The following NLRP5 variants were observed in gnomAD, a reference collection of about 807,000 sequenced individuals.
The protein encoded by NLRP5 is NACHT, LRR and PYD domains-containing protein 5.
A neutral mutation model predicts 113.1 loss-of-function variants in NLRP5; 93 were observed. The ratio of observed to expected loss-of-function variants is 0.82; its 90% CI spans 0.70 to 0.98. The LOEUF is 0.98. Ranked by LOEUF, NLRP5 falls within the 50% of genes least tolerant of loss-of-function variation. The probability of loss-of-function intolerance (pLI) is 0.00; values close to 1 mark genes in which losing one functional copy is unlikely to be tolerated. For synonymous variants in NLRP5, 751 were observed against 600.7 expected (o/e 1.25, Z -3.66); for missense variants, 1,808 against 1,514.3 (o/e 1.19, Z -3.22).
chr19:56,021,552 G>T (rs548771872), intron 6 of NLRP5, among the ~76,000 whole-genome samples: 4 of 152,194 alleles, frequency 2.6e-5, no homozygotes, highest in Admixed American at 2.0e-4. Flanking sequence ...ATTCCAGATC[G>T]GTCATGTAGA....
Position 56,061,727 on chromosome 19 carries a change from G to GA in NLRP5, c.*199_*200insA, listed in dbSNP as rs1984362640. On this transcript the variant is annotated 3_prime_UTR_variant, in exon 15 of 15. Coordinates refer to ENST00000390649, the MANE Select transcript of NLRP5 (RefSeq NM_153447.4). ...GGATTTGAAGGCTAGAGACCTTCAA[G>GA]TCATAGGACTCAGTATCTGTGAAAT... 1 of 588,040 alleles carries GA rather than the reference G, an allele frequency of 1.7e-6. No homozygotes were observed. Among genetic ancestry groups the GA allele is most frequent in the Non-Finnish European group, 3.0e-6 (1 of 333,062 alleles). 36.4% of individuals were successfully genotyped at this position (588,040 alleles called of 1,614,324 possible). A position where few individuals can be genotyped will look rare whatever the true frequency, so the allele number is the denominator to read the frequency against.
chr19:56,054,098 T>C (rs1260011509), intron 13 of NLRP5, among the ~76,000 whole-genome samples: 1 of 152,056 alleles, frequency 6.6e-6, no homozygotes, highest in Non-Finnish European at 1.5e-5. Flanking sequence ...GGCGGAAGTA[T>C]GGAAGTGAAA....
In NLRP5 at chr19:56,030,768, G is replaced by A. The variant is rs548689607; in HGVS notation, c.2277-1843G>A. On this transcript the variant is annotated intron_variant, in intron 7 of 14. Transcript: ENST00000390649. Reference sequence around the variant, plus strand: ...CTTGCTCGGTCACCCAGGCTGGAGTGCAGTGGTGCGATCTCAGCTCACTGC... The same window carrying A: ...CTTGCTCGGTCACCCAGGCTGGAGTACAGTGGTGCGATCTCAGCTCACTGC... 4.2e-5 allele frequency among the ~76,000 whole-genome samples: 5 copies of A among 119,748 alleles called. No individual in the cohort carries two copies. In the East Asian group the frequency reaches 1.4e-3, roughly 33 times the overall value. The allele number at this position is 119,748 out of a possible 152,430, so 78.6% of individuals were successfully genotyped here. A position where few individuals can be genotyped will look rare whatever the true frequency, so the allele number is the denominator to read the frequency against.
At chr19:55,989,409 C>T in the NLRP5 span, among the ~76,000 whole-genome samples, 74 of 152,216 alleles carry the variant, frequency 4.9e-4, no homozygotes, top group African/African-American at 1.0e-3. Context: ...CCCGCCACCA[C>T]GCCCGGCTAA....
intron 11 of NLRP5, among the ~76,000 whole-genome samples, chr19:56,045,557 C>T (rs1260414744): frequency 1.3e-5 from 2 of 152,062 alleles, no homozygotes; most frequent in African/African-American, 2.4e-5. Context: ...GCTATCCCTC[C>T]TCCGACCCCA....
At chr19:56,040,012 A>G (rs1983460926) in intron 10 of NLRP5, among the ~76,000 whole-genome samples, 1 of 152,166 alleles carries the variant, frequency 6.6e-6, no homozygotes, top group Non-Finnish European at 1.5e-5. Context: ...GTACAGTGGC[A>G]CAATCACAGC....
intron 11 of NLRP5, among the ~76,000 whole-genome samples, chr19:56,045,429 T>C (rs892113959): frequency 6.6e-6 from 1 of 152,182 alleles, no homozygotes. Context: ...TTTTTTTTAT[T>C]ATACTTTAAG....
rs1336089954 is a variant in NLRP5, at chr19:56,020,994, CT to C, written c.679+564del. Among the ~76,000 whole-genome samples, 6 of 151,986 alleles carry C rather than the reference CT, an allele frequency of 3.9e-5. No individual in the cohort carries two copies. In the East Asian group the frequency reaches 1.2e-3, roughly 29 times the overall value. On this transcript the variant is annotated intron_variant, in intron 6 of 14. Coordinates refer to ENST00000390649, the MANE Select transcript of NLRP5 (RefSeq NM_153447.4). ...GTTCAAGCGATTCTTCTGTCTCAGCCTCCCGAGTAGCTGGGATTACAGGCCT... is the reference window on the plus strand; with the variant it reads ...GTTCAAGCGATTCTTCTGTCTCAGCCCCCGAGTAGCTGGGATTACAGGCCT...
At chr19:56,009,470 G>A (rs1397856305) in intron 3 of NLRP5, among the ~76,000 whole-genome samples, 7 of 151,882 alleles carry the variant, frequency 4.6e-5, no homozygotes, top group African/African-American at 1.7e-4. Flanking sequence ...CCCAGTAGGA[G>A]GCTTTGGTGG....
Position 56,027,916 on chromosome 19 carries a change from C to G in NLRP5, c.1683C>G (p.Leu561=). The G allele has an allele frequency of 6.2e-7, 1 of 1,613,820 alleles. No homozygotes were observed. Among genetic ancestry groups the G allele is most frequent in the Non-Finnish European group, 8.5e-7 (1 of 1,179,814 alleles). The change falls in exon 7 of 15, where the codon CTC becomes CTG. Residue 561 remains leucine (L), a synonymous_variant. Coordinates refer to ENST00000390649, the MANE Select transcript of NLRP5 (RefSeq NM_153447.4). Reference sequence around the variant, plus strand: ...TTCAAGGACTCGGGGAGTCTGAGCTCCGTGCTCTGTTTCACATGAACATCC... The same window carrying G: ...TTCAAGGACTCGGGGAGTCTGAGCTGCGTGCTCTGTTTCACATGAACATCC...
intron 13 of NLRP5, among the ~76,000 whole-genome samples, chr19:56,054,896 G>C (rs1273240043): frequency 8.6e-5 from 13 of 151,556 alleles, no homozygotes; most frequent in Admixed American, 7.9e-4. Context: ...CCATGCACTA[G>C]TCTTGTATGT....
chr19:56,035,182 C>T (rs1366208540), intron 9 of NLRP5, among the ~76,000 whole-genome samples: 2 of 152,236 alleles, frequency 1.3e-5, no homozygotes, highest in Middle Eastern at 3.4e-3. Flanking sequence ...TCAAGTGATC[C>T]ACTGGCTGTG....
At chr19:55,991,227 T>G in the NLRP5 span, among the ~76,000 whole-genome samples, 2 of 152,210 alleles carry the variant, frequency 1.3e-5, no homozygotes, top group South Asian at 4.1e-4. Context: ...GGGGGCTAAA[T>G]GTAAAGTAGG....
intron 9 of NLRP5, among the ~76,000 whole-genome samples, chr19:56,037,674 C>CA (rs576972327): frequency 2.1e-3 from 254 of 121,694 alleles, no homozygotes; most frequent in African/African-American, 7.3e-3. Flanking sequence ...GCCTGGGTGA[C>CA]AAGAGCAAGA....
At position 56,027,135 on chromosome 19, in the gene NLRP5, T is replaced by C; in HGVS notation, c.902T>C (p.Leu301Pro). Residue 301 changes from leucine to proline, a missense_variant, in exon 7 of 15, where the codon CTG (leucine) becomes CCG (proline). Coordinates refer to ENST00000390649, the MANE Select transcript of NLRP5 (RefSeq NM_153447.4). ...TCGGCTCTAGCCAGAAGGATCGTGCTGTGCTGGGCGCAAGGTGGACTCTAC... is the reference window on the plus strand; with the variant it reads ...TCGGCTCTAGCCAGAAGGATCGTGCCGTGCTGGGCGCAAGGTGGACTCTAC... 6.3e-7 allele frequency: 1 copy of C among 1,597,884 alleles called. No individual in the cohort carries two copies. The highest frequency in any genetic ancestry group is 8.5e-7 in the Non-Finnish European group (1 of 1,172,326).
rs56651636 is a variant in NLRP5, at chr19:56,019,841, A to ATTT, written c.622+454_622+456dup. ...GAAAAACATGTCTTGCCTTCATGGC[A>ATTT]TTTTTTTTTTTTTGAGAAGGAGTCT... On this transcript the variant is annotated intron_variant, in intron 5 of 14. Coordinates refer to ENST00000390649, the MANE Select transcript of NLRP5 (RefSeq NM_153447.4). Among the ~76,000 whole-genome samples, 220 of 142,786 alleles carry ATTT rather than the reference A, an allele frequency of 1.5e-3. 14 individuals carry two copies. Among genetic ancestry groups the ATTT allele is most frequent in the African/African-American group, 5.7e-3 (209 of 36,352 alleles). 93.7% of individuals were successfully genotyped at this position (142,786 alleles called of 152,430 possible).
chr19:56,042,417 C>T (rs968807239), intron 11 of NLRP5, among the ~76,000 whole-genome samples: 1 of 152,138 alleles, frequency 6.6e-6, no homozygotes, highest in African/African-American at 2.4e-5. Context: ...AATCTCAGCT[C>T]ACTGCAACCT....
rs1982671463 is a variant in NLRP5 at position 56,022,880 on chromosome 19, A to AC, written c.679+2450dup. 2.0e-5 allele frequency among the ~76,000 whole-genome samples: 3 copies of AC among 152,116 alleles called. No homozygotes were observed. In the South Asian group the frequency reaches 6.2e-4, roughly 32 times the overall value. On this transcript the variant is annotated intron_variant, in intron 6 of 14. Transcript: ENST00000390649. ...GCTGGGATTACAGGCATGTGCCACCACACCCGGCTAATTTTGTATTTTTAG... is the reference window on the plus strand; with the variant it reads ...GCTGGGATTACAGGCATGTGCCACCACCACCCGGCTAATTTTGTATTTTTAG...
chr19:56,055,747 G>C (rs182692578), intron 13 of NLRP5, among the ~76,000 whole-genome samples: 2 of 151,048 alleles, frequency 1.3e-5, no homozygotes, highest in Non-Finnish European at 2.9e-5. Flanking sequence ...GGGTTTCACC[G>C]TGTTAGCCAG....
Sources: gnomAD v4.1 joint callset for allele counts (sites outside exome capture counted in the v4.1 genomes callset) on GRCh38, gnomAD v4.1.1 for gene constraint, MANE v1.5 for transcripts, NCBI Gene and HGNC (gene_info 2026-07-23, HGNC 2026-07-21) for gene names.